The following DLGAP2 variants were observed in gnomAD, a reference collection of about 807,000 sequenced individuals.
DLGAP2 encodes the protein disks large-associated protein 2.
In DLGAP2, 26 loss-of-function variants were observed where a neutral mutation model predicts 100.3. The ratio of observed to expected loss-of-function variants is 0.26; its 90% CI spans 0.19 to 0.36. The LOEUF (loss-of-function observed/expected upper bound fraction) is 0.36, where lower values mean the gene tolerates loss of function less well. DLGAP2 is among the 10% of genes least tolerant of loss of function. The pLI is 1.00. For synonymous variants in DLGAP2, 886 were observed against 630.1 expected (o/e 1.41, Z -6.08); for missense variants, 1,858 against 1,453.2 (o/e 1.28, Z -4.53).
chr8:904,800 A>G (rs541094039), intron 1 of DLGAP2, among the ~76,000 whole-genome samples: 1 of 152,324 alleles, frequency 6.6e-6, no homozygotes, highest in East Asian at 1.9e-4. Flanking sequence ...CTCAGCTGCT[A>G]AACGCTGCTG....
At chr8:1,413,796 A>G (rs146034705) in intron 3 of DLGAP2, among the ~76,000 whole-genome samples, 4 of 152,388 alleles carry the variant, frequency 2.6e-5, no homozygotes, top group African/African-American at 9.6e-5. Flanking sequence ...ACAAAGCTCC[A>G]TCAGTGCACA....
chr8:1,606,719 G>T (rs558289845), intron 6 of DLGAP2, among the ~76,000 whole-genome samples: 1 of 152,132 alleles, frequency 6.6e-6, no homozygotes. Flanking sequence ...GTCTCACTCT[G>T]TTGCCCAGGC....
At chr8:1,455,178 G>A (rs1373086525) in intron 3 of DLGAP2, among the ~76,000 whole-genome samples, 2 of 152,256 alleles carry the variant, frequency 1.3e-5, no homozygotes, top group African/African-American at 2.4e-5. Context: ...CCCAGAGGGA[G>A]ATGCTGGCAT....
intron 1 of DLGAP2, among the ~76,000 whole-genome samples, chr8:748,936 T>C (rs1177699954): frequency 6.6e-6 from 1 of 152,242 alleles, no homozygotes; most frequent in Non-Finnish European, 1.5e-5. Flanking sequence ...ACCTACAATC[T>C]ATTTTGCTCT....
At chr8:1,558,048 G>T (rs1412298369) in intron 5 of DLGAP2, among the ~76,000 whole-genome samples, 1 of 152,222 alleles carries the variant, frequency 6.6e-6, no homozygotes, top group Non-Finnish European at 1.5e-5. Flanking sequence ...TCAGCCATTG[G>T]CTGGCACCTC....
intron 2 of DLGAP2, among the ~76,000 whole-genome samples, chr8:1,033,324 A>ATC (rs1802025824): frequency 6.6e-6 from 1 of 152,210 alleles, no homozygotes; most frequent in South Asian, 2.1e-4. Context: ...AGAGCTTCTT[A>ATC]TCTCTGTCTC....
At chr8:803,941 G>A (rs902549486) in intron 1 of DLGAP2, among the ~76,000 whole-genome samples, 3 of 152,322 alleles carry the variant, frequency 2.0e-5, no homozygotes, top group East Asian at 3.9e-4. Flanking sequence ...ATAGAAAGAT[G>A]TATCCGTGAA....
chr8:1,164,489 G>A (rs867250430), intron 2 of DLGAP2, among the ~76,000 whole-genome samples: 1 of 151,774 alleles, frequency 6.6e-6, no homozygotes, highest in Admixed American at 6.6e-5. Context: ...CCTGTTGGGG[G>A]AGTTAACCAG....
chr8:811,817 A>G (rs1796375751), intron 1 of DLGAP2, among the ~76,000 whole-genome samples: 1 of 152,276 alleles, frequency 6.6e-6, no homozygotes, highest in Admixed American at 6.5e-5. Flanking sequence ...AAAGGATATA[A>G]GGGGAAGAAA....
intron 4 of DLGAP2, among the ~76,000 whole-genome samples, chr8:1,506,174 A>C (rs769872372): frequency 6.6e-6 from 1 of 152,042 alleles, no homozygotes; most frequent in Admixed American, 6.5e-5. Context: ...TCTCATTCTA[A>C]TGTTAATACA....
intron 2 of DLGAP2, among the ~76,000 whole-genome samples, chr8:1,047,921 C>T (rs917553381): frequency 2.0e-5 from 3 of 152,078 alleles, no homozygotes; most frequent in Admixed American, 1.3e-4. Context: ...AGTTTTATTC[C>T]GTTGATCTAT....
intron 3 of DLGAP2, among the ~76,000 whole-genome samples, chr8:1,468,219 C>G (rs985971748): frequency 3.3e-5 from 5 of 152,176 alleles, no homozygotes; most frequent in Non-Finnish European, 7.3e-5. Context: ...GCCCTGTGTC[C>G]TCTGCAGCCT....
intron 1 of DLGAP2, among the ~76,000 whole-genome samples, chr8:810,239 C>T (rs1297550343): frequency 6.6e-6 from 1 of 152,202 alleles, no homozygotes; most frequent in African/African-American, 2.4e-5. Flanking sequence ...TCTTTTAATT[C>T]CTCCAATTTT....
At chr8:1,328,861 C>G (rs1049166584) in intron 3 of DLGAP2, among the ~76,000 whole-genome samples, 13 of 152,308 alleles carry the variant, frequency 8.5e-5, no homozygotes, top group Admixed American at 8.5e-4. Context: ...CATGTACACA[C>G]TTCGGTGGTT....
intron 2 of DLGAP2, among the ~76,000 whole-genome samples, chr8:922,330 C>T (rs1409601705): frequency 6.6e-6 from 1 of 152,140 alleles, no homozygotes. Flanking sequence ...ACAGCGGACC[C>T]CTCCGGAGGG....
At chr8:1,451,621 C>T (rs1270055945) in intron 3 of DLGAP2, among the ~76,000 whole-genome samples, 1 of 152,148 alleles carries the variant, frequency 6.6e-6, no homozygotes, top group Non-Finnish European at 1.5e-5. Context: ...TGGCTTCCCT[C>T]CGCCTCTGTT....
chr8:1,046,799 T>C (rs1423202266), intron 2 of DLGAP2, among the ~76,000 whole-genome samples: 2 of 152,224 alleles, frequency 1.3e-5, no homozygotes, highest in Non-Finnish European at 2.9e-5. Flanking sequence ...TTGTGATTTA[T>C]TAAATTTTCT....
chr8:1,483,822 C>T (rs753267723), intron 3 of DLGAP2, among the ~76,000 whole-genome samples: 2 of 152,220 alleles, frequency 1.3e-5, no homozygotes, highest in South Asian at 4.1e-4. Context: ...GACCACAGGG[C>T]TTTTGTAAGG....
At chr8:1,165,582 A>T (rs573007198) in intron 2 of DLGAP2, among the ~76,000 whole-genome samples, 22 of 152,364 alleles carry the variant, frequency 1.4e-4, no homozygotes, top group African/African-American at 4.6e-4. Context: ...AGCCAGCAAG[A>T]CAGGCAGTGG....
Sources: allele counts gnomAD v4.1 joint callset (sites outside exome capture counted in the v4.1 genomes callset), GRCh38; gene constraint gnomAD v4.1.1; transcripts MANE v1.5; gene names NCBI Gene and HGNC (gene_info 2026-07-23, HGNC 2026-07-21).